The following WIPF2 variants were observed in gnomAD, a reference collection of about 807,000 sequenced individuals.
WIPF2 encodes the protein WAS/WASL interacting protein family member 2.
In WIPF2, 23 loss-of-function variants were observed where a neutral mutation model predicts 38.8. The ratio of observed to expected loss-of-function variants is 0.59; its 90% CI spans 0.43 to 0.84. The LOEUF (loss-of-function observed/expected upper bound fraction) is 0.84, where lower values mean the gene tolerates loss of function less well. Among genes scored for constraint, WIPF2 ranks in the 40% least tolerant of loss-of-function variants. The pLI is 0.00. For missense variants in WIPF2, 574 were observed against 580.5 expected, an observed-to-expected ratio of 0.99 and a Z score of 0.11; for synonymous variants, 210 against 223.2, an observed-to-expected ratio of 0.94 and a Z score of 0.53.
Position 40,278,258 on chromosome 17 carries a change from A to G in WIPF2, c.*33A>G, listed in dbSNP as rs770718185. 1 of 1,611,420 alleles carries G rather than the reference A, an allele frequency of 6.2e-7. No individual in the cohort carries two copies. Among genetic ancestry groups the G allele is most frequent in the Middle Eastern group, 1.7e-4 (1 of 6,056 alleles). Reference sequence around the variant, plus strand: ...CTTGGTCCCGTTCCTCAGGAAAAGGATGGACCTTCTCTTCTTCTCAGATGG... The same window carrying G: ...CTTGGTCCCGTTCCTCAGGAAAAGGGTGGACCTTCTCTTCTTCTCAGATGG... On this transcript the variant is annotated 3_prime_UTR_variant, in exon 8 of 8. Transcript: ENST00000323571.
chr17:40,262,033 T>C (rs1359340851), intron 3 of WIPF2, among the ~76,000 whole-genome samples: 1 of 151,572 alleles, frequency 6.6e-6, no homozygotes, highest in East Asian at 1.9e-4. Context: ...CACAAAGCTG[T>C]GGAGCAGAGA....
chr17:40,240,927 A>T (rs1214936083), intron 1 of WIPF2, among the ~76,000 whole-genome samples: 2 of 150,318 alleles, frequency 1.3e-5, no homozygotes, highest in South Asian at 4.2e-4. Context: ...CCTGGGCAAC[A>T]GAATGAGACT....
rs189962019 is a variant in WIPF2 at position 40,259,577 on chromosome 17, C to T, written c.64-958C>T. Among the ~76,000 whole-genome samples, 92 of 152,220 alleles carry T rather than the reference C, an allele frequency of 6.0e-4. No individual in the cohort carries two copies. In the East Asian group the frequency reaches 0.017, roughly 27 times the overall value. On this transcript the variant is annotated intron_variant, in intron 2 of 7. Coordinates refer to ENST00000323571, the MANE Select transcript of WIPF2 (RefSeq NM_133264.5). The stretch of plus-strand genomic sequence containing the variant: ...TAACTGTCCTAAACCTTTGTTTTCT[C>T]ATCTTTGGAATGGGAATAATATAGT...
intron 3 of WIPF2, 21 bp downstream of exon 3, chr17:40,260,688 C>G (rs774161342): frequency 1.2e-6 from 2 of 1,613,438 alleles, no homozygotes; most frequent in Middle Eastern, 3.3e-4. Context: ...GCTTCATTTC[C>G]TAGTGAACTG....
At chr17:40,259,291 G>A (rs1183474068) in intron 2 of WIPF2, among the ~76,000 whole-genome samples, 2 of 151,540 alleles carry the variant, frequency 1.3e-5, no homozygotes, top group East Asian at 3.9e-4. Context: ...TTCTTCTGGC[G>A]ATCATGAGGA....
At position 40,252,978 on chromosome 17, in the gene WIPF2, C is replaced by T. The variant is rs8079202; in HGVS notation, c.-69-3413C>T. Among the ~76,000 whole-genome samples the T allele has an allele frequency of 6.5e-3, 981 of 151,518 alleles. 15 individuals are homozygous for T. Among genetic ancestry groups the T allele is most frequent in the African/African-American group, 0.023 (942 of 41,280 alleles). On this transcript the variant is annotated intron_variant, in intron 1 of 7. Coordinates refer to ENST00000323571, the MANE Select transcript of WIPF2 (RefSeq NM_133264.5). ...TGGGGTTTCTTCCATGTTGGTCAGG[C>T]TGGTCTCGAACTCCTGGCCTCAGGT... is the stretch of plus-strand genomic sequence containing the variant.
At chr17:40,247,769 C>T (rs568279889) in intron 1 of WIPF2, among the ~76,000 whole-genome samples, 39 of 152,132 alleles carry the variant, frequency 2.6e-4, no homozygotes, top group African/African-American at 8.9e-4. Flanking sequence ...CAGTCCACCC[C>T]CCTTGGCCTC....
In WIPF2 at chr17:40,279,871, A is replaced by AT. The variant is rs2032507311; in HGVS notation, c.*1649dup. ...TCTCAAAAAAAAAAAAAAAAAAAAA[A>AT]TTTAATCACACACATCACAGGCTTA... is the stretch of plus-strand genomic sequence containing the variant. On this transcript the variant is annotated 3_prime_UTR_variant, in exon 8 of 8. Transcript: ENST00000323571. 6.6e-6 allele frequency: 1 copy of AT among 151,386 alleles called. No homozygotes were observed. The highest frequency in any genetic ancestry group is 2.4e-5 in the African/African-American group (1 of 41,122). The allele number at this position is 151,386 out of a possible 1,614,324, so 9.4% of individuals were successfully genotyped here.
intron 1 of WIPF2, among the ~76,000 whole-genome samples, chr17:40,251,136 A>G (rs1011862188): frequency 2.7e-5 from 4 of 150,930 alleles, no homozygotes; most frequent in Non-Finnish European, 5.9e-5. Context: ...GGATGGTCTC[A>G]ATCTCCTGAC....
At chr17:40,264,357 A>T in intron 4 of WIPF2, 133 bp from the exon 5 acceptor site, 1 of 703,434 alleles carries the variant, frequency 1.4e-6, no homozygotes, top group Non-Finnish European at 2.3e-6. Context: ...AAAAAAAGAA[A>T]AACAAAAAAC....
At chr17:40,223,174 T>C (rs2030327000) in intron 1 of WIPF2, among the ~76,000 whole-genome samples, 1 of 151,644 alleles carries the variant, frequency 6.6e-6, no homozygotes, top group Non-Finnish European at 1.5e-5. Context: ...GACAGAGTCT[T>C]GCTGTATTGC....
intron 1 of WIPF2, among the ~76,000 whole-genome samples, chr17:40,233,425 T>C (rs1480984457): frequency 6.6e-6 from 1 of 152,148 alleles, no homozygotes; most frequent in Admixed American, 6.6e-5. Flanking sequence ...TTAACCACTT[T>C]TGCAATTTTT....
intron 2 of WIPF2, among the ~76,000 whole-genome samples, chr17:40,259,009 ACT>A (rs1302619524): frequency 4.5e-5 from 6 of 132,462 alleles, no homozygotes; most frequent in African/African-American, 1.1e-4. Flanking sequence ...AGCACTTGAA[ACT>A]CTGTCTCAAA....
chr17:40,229,796 C>T (rs2030665880), intron 1 of WIPF2, among the ~76,000 whole-genome samples: 1 of 152,044 alleles, frequency 6.6e-6, no homozygotes, highest in African/African-American at 2.4e-5. Flanking sequence ...TTAGCCCATC[C>T]CAGGTTGATT....
chr17:40,222,689 A>G (rs1306575138), intron 1 of WIPF2, among the ~76,000 whole-genome samples: 43 of 45,914 alleles, frequency 9.4e-4, no homozygotes, highest in African/African-American at 3.0e-3. Context: ...TTTTTTTTTG[A>G]GACAGAGTTT....
intron 5 of WIPF2, among the ~76,000 whole-genome samples, chr17:40,269,093 C>T (rs2032174362): frequency 6.6e-6 from 1 of 151,864 alleles, no homozygotes; most frequent in South Asian, 2.1e-4. Flanking sequence ...CTGAGACAGG[C>T]AGATCACCTG....
At chr17:40,250,727 C>T (rs1274692490) in intron 1 of WIPF2, among the ~76,000 whole-genome samples, 1 of 151,768 alleles carries the variant, frequency 6.6e-6, no homozygotes, top group African/African-American at 2.4e-5. Flanking sequence ...CTGTAGAGAA[C>T]CTTCTTGTTC....
intron 1 of WIPF2, among the ~76,000 whole-genome samples, chr17:40,243,589 C>T (rs867186212): frequency 4.6e-5 from 7 of 152,066 alleles, no homozygotes; most frequent in African/African-American, 1.7e-4. Context: ...TCTCGGCTCA[C>T]TGCAACCTCT....
intron 5 of WIPF2, among the ~76,000 whole-genome samples, chr17:40,273,182 C>T (rs1385994719): frequency 1.3e-5 from 2 of 152,100 alleles, no homozygotes; most frequent in African/African-American, 4.8e-5. Flanking sequence ...TACAGGCACA[C>T]GCCACCACAC....
Sources: allele counts gnomAD v4.1 joint callset (sites outside exome capture counted in the v4.1 genomes callset), GRCh38; gene constraint gnomAD v4.1.1; transcripts MANE v1.5; gene names NCBI Gene and HGNC (gene_info 2026-07-23, HGNC 2026-07-21).